The following UIMC1 variants were observed in gnomAD, a reference collection of about 807,000 sequenced individuals.
UIMC1 encodes ubiquitin interaction motif containing 1, also known as BRCA1-A complex subunit RAP80.
A neutral mutation model predicts 84.9 loss-of-function variants in UIMC1; 42 were observed. The observed-to-expected ratio is 0.49, with a 90% CI of 0.39 to 0.64. The LOEUF (loss-of-function observed/expected upper bound fraction) is 0.64, where lower values mean the gene tolerates loss of function less well. UIMC1 is among the 30% of genes least tolerant of loss of function. The pLI is 0.00. For missense variants in UIMC1, 825 were observed against 847.6 expected (o/e 0.97, Z 0.33); for synonymous variants, 281 against 293.0 (o/e 0.96, Z 0.42).
chr5:176,913,894 C>T (rs1287629519), intron 10 of UIMC1, among the ~76,000 whole-genome samples: 2 of 152,142 alleles, frequency 1.3e-5, no homozygotes, highest in Non-Finnish European at 2.9e-5. Flanking sequence ...GGAGGATCGC[C>T]TGAGCCAGGA....
intron 7 of UIMC1, among the ~76,000 whole-genome samples, chr5:176,956,370 GTTT>G (rs1266960509): frequency 6.6e-6 from 1 of 152,194 alleles, no homozygotes; most frequent in Non-Finnish European, 1.5e-5. Flanking sequence ...TGTCAAAGGT[GTTT>G]TATAGCCTCC....
At chr5:176,931,869 G>T (rs942745050) in intron 10 of UIMC1, among the ~76,000 whole-genome samples, 1 of 152,134 alleles carries the variant, frequency 6.6e-6, no homozygotes, top group African/African-American at 2.4e-5. Flanking sequence ...AGCTACTTGG[G>T]AGGCTGAGGG....
chr5:176,910,945 C>G (rs372597382), intron 11 of UIMC1, among the ~76,000 whole-genome samples: 2 of 151,748 alleles, frequency 1.3e-5, no homozygotes, highest in Non-Finnish European at 2.9e-5. Flanking sequence ...CAAAATTAGC[C>G]GGGCGTGGTG....
intron 1 of UIMC1, among the ~76,000 whole-genome samples, chr5:176,997,663 C>A (rs934477012): frequency 1.2e-4 from 15 of 126,544 alleles, no homozygotes; most frequent in Admixed American, 2.0e-4. Context: ...CCAGTCTGGG[C>A]AACAGAGCGA....
intron 2 of UIMC1, 88 bp from the exon 3 acceptor site, chr5:176,975,568 G>A: frequency 1.6e-6 from 2 of 1,246,204 alleles, no homozygotes; most frequent in Non-Finnish European, 1.2e-6. Context: ...GCTAAGAGAG[G>A]CCTCTGAGGA....
intron 4 of UIMC1, 90 bp from the exon 5 acceptor site, chr5:176,969,796 G>T: frequency 3.9e-6 from 4 of 1,024,414 alleles, no homozygotes; most frequent in Middle Eastern, 2.7e-4. Context: ...GGAGGCCACC[G>T]TTCATAAGAC....
exon 1 of UIMC1, chr5:177,022,501 A>G (rs1775913351): frequency 2.0e-6 from 1 of 497,424 alleles, no homozygotes; most frequent in Non-Finnish European, 3.5e-6. Context: ...AAACCACACG[A>G]GCCTCTCCGG....
At chr5:177,005,728 A>G (rs2149548893) in intron 1 of UIMC1, among the ~76,000 whole-genome samples, 1 of 152,170 alleles carries the variant, frequency 6.6e-6, no homozygotes, top group Non-Finnish European at 1.5e-5. Flanking sequence ...GGAAAACAAT[A>G]AAGACAGAAG....
At chr5:176,975,344 G>A in intron 3 of UIMC1, 52 bp downstream of exon 3, 1 of 1,569,504 alleles carries the variant, frequency 6.4e-7, no homozygotes, top group Non-Finnish European at 8.8e-7. Flanking sequence ...AAATGTATCA[G>A]TTCTATGACT....
intron 8 of UIMC1, among the ~76,000 whole-genome samples, chr5:176,952,754 A>G (rs1581509353): frequency 6.6e-6 from 1 of 152,226 alleles, no homozygotes; most frequent in South Asian, 2.1e-4. Context: ...CTATGATCAC[A>G]CCACTGCACT....
At chr5:176,976,688 A>G (rs1770124384) in intron 2 of UIMC1, among the ~76,000 whole-genome samples, 1 of 152,274 alleles carries the variant, frequency 6.6e-6, no homozygotes, top group African/African-American at 2.4e-5. Context: ...GGCCACATAT[A>G]TTGTATAATT....
intron 10 of UIMC1, among the ~76,000 whole-genome samples, chr5:176,918,342 CTT>C (rs760866098): frequency 5.3e-4 from 80 of 152,346 alleles, no homozygotes; most frequent in Middle Eastern, 3.4e-3. Flanking sequence ...TCCCTGACCT[CTT>C]GTTTATTAAT....
chr5:176,967,835 G>A (rs1207233440), intron 6 of UIMC1, among the ~76,000 whole-genome samples: 2 of 151,656 alleles, frequency 1.3e-5, no homozygotes, highest in Non-Finnish European at 2.9e-5. Context: ...TCCCAGAGGT[G>A]GAGGCTGCAG....
At chr5:176,909,672 A>C (rs1345634054) in intron 11 of UIMC1, among the ~76,000 whole-genome samples, 1 of 152,240 alleles carries the variant, frequency 6.6e-6, no homozygotes, top group East Asian at 1.9e-4. Context: ...TGTTTAAAAT[A>C]GCAGAAATAA....
At chr5:176,947,413 G>A (rs1303194133) in intron 9 of UIMC1, among the ~76,000 whole-genome samples, 3 of 152,090 alleles carry the variant, frequency 2.0e-5, no homozygotes, top group Non-Finnish European at 4.4e-5. Flanking sequence ...TGTTACATAT[G>A]TATACATGTG....
At chr5:176,977,583 AAAAAAAAAAAAAAAG>A (rs2149495382) in intron 2 of UIMC1, among the ~76,000 whole-genome samples, 1 of 126,514 alleles carries the variant, frequency 7.9e-6, no homozygotes, top group African/African-American at 3.8e-5. Context: ...ACTCCATCTC[AAAAAAAAAAAAAAAG>A]AAAAGAAAAA....
rs186185446 is a variant in UIMC1, at chr5:176,959,903, C to A, written c.1201-1749G>T. Among the ~76,000 whole-genome samples the A allele has an allele frequency of 3.6e-4, 55 of 152,114 alleles. No homozygotes were observed. The East Asian group carries it at 9.1e-3, about 25-fold the overall frequency. Reference sequence around the variant, plus strand: ...AAAATTAGCCGGGCATGGTGGCTCACGCCTCTAATGCCAGCTACTCGGGAG... The same window carrying A: ...AAAATTAGCCGGGCATGGTGGCTCAAGCCTCTAATGCCAGCTACTCGGGAG... On this transcript the variant is annotated intron_variant, in intron 6 of 14. Coordinates refer to ENST00000511320, the MANE Select transcript of UIMC1 (RefSeq NM_001199298.2).
At chr5:176,944,316 CTA>C (rs1227990079) in intron 9 of UIMC1, among the ~76,000 whole-genome samples, 1 of 152,210 alleles carries the variant, frequency 6.6e-6, no homozygotes, top group African/African-American at 2.4e-5. Flanking sequence ...ACTCTTAAAC[CTA>C]TCTCTTATTC....
Position 176,999,042 on chromosome 5 carries a change from A to C in UIMC1, c.-9+7608T>G, listed in dbSNP as rs563294510. ...CCGTCCCTACAAAAAAAAATTAAAA[A>C]TCAGTCAGGCATGGTGTTGCATACC... is the stretch of plus-strand genomic sequence containing the variant. On this transcript the variant is annotated intron_variant, in intron 1 of 14. Transcript: ENST00000511320. 1.1e-4 allele frequency among the ~76,000 whole-genome samples: 16 copies of C among 152,120 alleles called. No individual in the cohort carries two copies. The East Asian group carries it at 2.9e-3, about 28-fold the overall frequency.
Sources: gnomAD v4.1 joint callset for allele counts (sites outside exome capture counted in the v4.1 genomes callset) on GRCh38, gnomAD v4.1.1 for gene constraint, MANE v1.5 for transcripts, NCBI Gene and HGNC (gene_info 2026-07-23, HGNC 2026-07-21) for gene names.